The following CCDC107 variants were observed in gnomAD, a reference collection of about 807,000 sequenced individuals.
CCDC107 encodes coiled-coil domain containing 107.
Under a neutral mutation model 17.9 loss-of-function variants are expected in CCDC107, and 17 were observed. That is an observed-to-expected ratio of 0.95 (90% CI 0.65 to 1.42). The LOEUF (loss-of-function observed/expected upper bound fraction) is 1.42, where lower values mean the gene tolerates loss of function less well. CCDC107 is among the 40% of genes most tolerant of loss of function. CCDC107 has a pLI of 0.00. For synonymous variants in CCDC107, 170 were observed against 157.2 expected (o/e 1.08, Z -0.61); for missense variants, 388 against 360.1 (o/e 1.08, Z -0.63).
rs1823713849 is a variant in CCDC107, at chr9:35,658,672, TG to T, written c.208del (p.Ala70ArgfsTer44). On this transcript the variant is annotated frameshift_variant, in exon 2 of 5. Transcript: ENST00000426546. LOFTEE classifies it high-confidence loss of function. ...CGGACCCGGGCCGGGTCGCTGCCTC[TG>T]GGGGCGCTGTACACCGCGGCCGTCG... Reference protein sequence around the residue: ...RERTRAGSLPLGALYTAAVAA... With the variant: ...RERTRAGSLPXGALYTAAVAA... 1 of 1,573,510 alleles carries T rather than the reference TG, an allele frequency of 6.4e-7. No individual in the cohort carries two copies.
In CCDC107 at chr9:35,660,755, T is replaced by G. The variant is rs1823884671; in HGVS notation, c.420T>G (p.Thr140=). ...GTGGACATTTCTTCAGTGTGACTAC[T>G]CTGGCTGGAGCCCAGCAGGAGCTTC... ...QLDPLFERVT[T]LAGAQQELLN... is the part of the protein sequence containing the mutation. The change falls in exon 5 of 5, where the codon ACT becomes ACG. Residue 140 remains threonine, a synonymous_variant. Coordinates refer to ENST00000426546, the MANE Select transcript of CCDC107 (RefSeq NM_174923.3). The G allele has an allele frequency of 1.9e-6, 3 of 1,613,964 alleles. No homozygotes were observed. The highest frequency in any genetic ancestry group is 1.7e-6 in the Non-Finnish European group (2 of 1,179,868).
rs554972846 is a variant in CCDC107, at chr9:35,659,889, G to C, written c.259-512G>C. The C allele has an allele frequency of 2.6e-5, 4 of 153,192 alleles. No homozygotes were observed. In the South Asian group the frequency reaches 8.1e-4, roughly 31 times the overall value. The allele number at this position is 153,192 out of a possible 1,614,324, so 9.5% of individuals were successfully genotyped here. A position where few individuals can be genotyped will look rare whatever the true frequency, so the allele number is the denominator to read the frequency against. ...AGATGGAGTCTCGCTCTGTCACCCA[G>C]GCTGGAGTGCAGCGGCGCAATCTCG... On this transcript the variant is annotated intron_variant, in intron 2 of 4. Coordinates refer to ENST00000426546, the MANE Select transcript of CCDC107 (RefSeq NM_174923.3).
In CCDC107 at chr9:35,658,416, C is replaced by A. The variant is rs1343532730; in HGVS notation, c.37C>A (p.Leu13Met). 8.3e-6 allele frequency: 12 copies of A among 1,447,564 alleles called. No homozygotes were observed. In the East Asian group the frequency reaches 3.2e-4, roughly 39 times the overall value. 89.7% of individuals were successfully genotyped at this position (1,447,564 alleles called of 1,614,324 possible). A position where few individuals can be genotyped will look rare whatever the true frequency, so the allele number is the denominator to read the frequency against. The change falls in exon 1 of 5, where the codon CTG becomes ATG. Residue 13 changes from leucine to methionine, a missense_variant. Transcript: ENST00000426546. ...AGTTTCGCTCTTGGGTGTGGTGGGG[C>A]TGCTGCTTGTGTCTGCGCTGTCCGG... ...GAVSLLGVVGLLLVSALSGVL... is the reference protein window; with the variant it reads ...GAVSLLGVVGMLLVSALSGVL...
In CCDC107 at chr9:35,661,296, G is replaced by A. The variant is rs1823934671; in HGVS notation, c.*109G>A. Reference sequence around the variant, plus strand: ...AGAGCTGTCCTTATTAGGACAAAAAGAGGCTGCCTTCCAGTGTGACAGCAG... The same window carrying A: ...AGAGCTGTCCTTATTAGGACAAAAAAAGGCTGCCTTCCAGTGTGACAGCAG... On this transcript the variant is annotated 3_prime_UTR_variant, in exon 5 of 5. Transcript: ENST00000426546. 5.4e-6 allele frequency: 4 copies of A among 743,732 alleles called. No individual in the cohort carries two copies. In the East Asian group the frequency reaches 8.1e-5, roughly 15 times the overall value. 46.1% of individuals were successfully genotyped at this position (743,732 alleles called of 1,614,324 possible). A position where few individuals can be genotyped will look rare whatever the true frequency, so the allele number is the denominator to read the frequency against.
chr9:35,660,479 C>G lies in CCDC107; in HGVS notation c.319+18C>G, dbSNP rs1339912517. 1 of 1,613,218 alleles carries G rather than the reference C, an allele frequency of 6.2e-7. No homozygotes were observed. Among genetic ancestry groups the G allele is most frequent in the Non-Finnish European group, 8.5e-7 (1 of 1,179,554 alleles). The stretch of plus-strand genomic sequence containing the variant: ...GCAGTCAGGTGGGTTTAGCAGAAGT[C>G]TGTGCTGGGTCGGGGGAGTTTAGGG... On this transcript the variant is annotated intron_variant, in intron 3 of 4. Transcript: ENST00000426546.
intron 2 of CCDC107, chr9:35,660,138 C>A: frequency 2.6e-6 from 1 of 379,020 alleles, no homozygotes; most frequent in Non-Finnish European, 4.8e-6. Context: ...AGCCACAGCA[C>A]TCAGCCACCA....
Position 35,658,743 on chromosome 9 carries a change from G to A in CCDC107, c.258+16G>A, listed in dbSNP as rs769786631. The A allele has an allele frequency of 1.5e-5, 22 of 1,463,204 alleles. No individual in the cohort carries two copies. Among genetic ancestry groups the A allele is most frequent in the East Asian group, 2.7e-5 (1 of 36,742 alleles). 90.6% of individuals were successfully genotyped at this position (1,463,204 alleles called of 1,614,324 possible). On this transcript the variant is annotated intron_variant, in intron 2 of 4. Transcript: ENST00000426546. ...GTGTTTGCAGGTACGGGGCGGCCGG[G>A]GGTAGGGGTGCCCCTGCAGGTGCGG...
rs758264689 is a variant in CCDC107 at position 35,660,601 on chromosome 9, C to T, written c.364C>T (p.Gln122Ter). 1.9e-6 allele frequency: 3 copies of T among 1,614,214 alleles called. No individual in the cohort carries two copies. The highest frequency in any genetic ancestry group is 2.5e-6 in the Non-Finnish European group (3 of 1,180,030). ...GACACAACAGCTGGCCCAGACAGAG[C>T]AGCACCTGAACAACCTGATGGCCCA... ...QLTQQLAQTE[Q>*]HLNNLMAQLD... The change falls in exon 4 of 5, where the codon CAG becomes TAG. Residue 122 changes from glutamine to a stop codon, truncating the protein, a stop_gained. Coordinates refer to ENST00000426546, the MANE Select transcript of CCDC107 (RefSeq NM_174923.3). LOFTEE classifies it low-confidence loss of function (END_TRUNC).
chr9:35,658,309 C>G lies in CCDC107; in HGVS notation c.-71C>G, dbSNP rs1206798842. On this transcript the variant is annotated 5_prime_UTR_variant, in exon 1 of 5. Coordinates refer to ENST00000426546, the MANE Select transcript of CCDC107 (RefSeq NM_174923.3). Reference sequence around the variant, plus strand: ...GCCGGCCTGCTCGCGTGCGCGTGCGCGTTGGGGCGGCCGGCCAATGCCGGA... The same window carrying G: ...GCCGGCCTGCTCGCGTGCGCGTGCGGGTTGGGGCGGCCGGCCAATGCCGGA... 8 of 1,250,386 alleles carry G rather than the reference C, an allele frequency of 6.4e-6. No homozygotes were observed. Among genetic ancestry groups the G allele is most frequent in the Middle Eastern group, 2.9e-4 (1 of 3,408 alleles). The allele number at this position is 1,250,386 out of a possible 1,614,324, so 77.5% of individuals were successfully genotyped here.
Position 35,661,390 on chromosome 9 carries a change from C to A in CCDC107, c.*203C>A. On this transcript the variant is annotated 3_prime_UTR_variant, in exon 5 of 5. Coordinates refer to ENST00000426546, the MANE Select transcript of CCDC107 (RefSeq NM_174923.3). ...GCCACCAGCATGCCCGCGTTCAGGG[C>A]CCAAAAATCCCTTTTCTCATAGCAA... is the stretch of plus-strand genomic sequence containing the variant. The A allele has an allele frequency of 2.2e-6, 1 of 460,868 alleles. No homozygotes were observed. Among genetic ancestry groups the A allele is most frequent in the East Asian group, 3.3e-5 (1 of 30,426 alleles). The allele number at this position is 460,868 out of a possible 1,614,324, so 28.5% of individuals were successfully genotyped here.
Position 35,658,423 on chromosome 9 carries a change from T to C in CCDC107, c.44T>C (p.Leu15Pro). The C allele has an allele frequency of 6.9e-7, 1 of 1,454,752 alleles. No individual in the cohort carries two copies. The highest frequency in any genetic ancestry group is 9.1e-7 in the Non-Finnish European group (1 of 1,102,430). The allele number at this position is 1,454,752 out of a possible 1,614,324, so 90.1% of individuals were successfully genotyped here. A position where few individuals can be genotyped will look rare whatever the true frequency, so the allele number is the denominator to read the frequency against. ...CTCTTGGGTGTGGTGGGGCTGCTGC[T>C]TGTGTCTGCGCTGTCCGGGGTCCTA... ...VSLLGVVGLL[L>P]VSALSGVLGD... is the part of the protein sequence containing the mutation. Residue 15 changes from leucine to proline, a missense_variant, in exon 1 of 5, where the codon CTT (leucine) becomes CCT (proline). Leu to Pro is a moderately conservative substitution (Grantham distance 98). Transcript: ENST00000426546.
chr9:35,660,978 G>A lies in CCDC107; in HGVS notation c.643G>A (p.Glu215Lys). Residue 215 changes from glutamate (E) to lysine (K), a missense_variant, in exon 5 of 5, where the codon GAG becomes AAG. Transcript: ENST00000426546. ...RPLPEDFCLK[E>K]DEEEIGDSQA... ...TCTTCCTGAGGACTTCTGTTTAAAG[G>A]AGGACGAGGAGGAGATTGGTGACAG... 6.2e-7 allele frequency: 1 copy of A among 1,614,148 alleles called. No individual in the cohort carries two copies. Among genetic ancestry groups the A allele is most frequent in the Non-Finnish European group, 8.5e-7 (1 of 1,180,032 alleles).
rs1373702253 is a variant in CCDC107, at chr9:35,658,588, A to C, written c.119A>C (p.His40Pro). 6.3e-7 allele frequency: 1 copy of C among 1,581,678 alleles called. No individual in the cohort carries two copies. The highest frequency in any genetic ancestry group is 1.1e-5 in the South Asian group (1 of 89,846). The change falls in exon 2 of 5, where the codon CAC becomes CCC. Residue 40 changes from histidine to proline, a missense_variant. Transcript: ENST00000426546. ...DLRAHPGNAA[H>P]PGSGATEPRR... ...CCTCCCTCCGCAGGGAACGCAGCCCACCCCGGCTCTGGAGCCACGGAACCC... is the reference window on the plus strand; with the variant it reads ...CCTCCCTCCGCAGGGAACGCAGCCCCCCCCGGCTCTGGAGCCACGGAACCC...
intron 2 of CCDC107, 58 bp downstream of exon 2, chr9:35,658,785 G>A (rs561133761): frequency 2.8e-4 from 319 of 1,119,562 alleles, no homozygotes; most frequent in Middle Eastern, 8.7e-4. Context: ...CGGGCGTGGG[G>A]ATCCCCTGAG....
intron 3 of CCDC107, 37 bp downstream of exon 3, chr9:35,660,498 T>C (rs773737305): frequency 1.9e-6 from 3 of 1,612,512 alleles, no homozygotes; most frequent in Non-Finnish European, 2.5e-6. Context: ...GTCGGGGGAG[T>C]TTAGGGGACA....
chr9:35,658,724 G>A lies in CCDC107; in HGVS notation c.255G>A (p.Leu85=), dbSNP rs200553802. 10 of 1,508,492 alleles carry A rather than the reference G, an allele frequency of 6.6e-6. No individual in the cohort carries two copies. The East Asian group carries it at 2.4e-4, about 36-fold the overall frequency. The allele number at this position is 1,508,492 out of a possible 1,614,324, so 93.4% of individuals were successfully genotyped here. A position where few individuals can be genotyped will look rare whatever the true frequency, so the allele number is the denominator to read the frequency against. The change falls in exon 2 of 5, where the codon TTG becomes TTA. Residue 85 remains leucine (L), a synonymous_variant. Coordinates refer to ENST00000426546, the MANE Select transcript of CCDC107 (RefSeq NM_174923.3). ...CGGCTTTTGTGCTGTACAAGTGTTT[G>A]CAGGTACGGGGCGGCCGGGGGTAGG... ...AVAAFVLYKC[L]QGKDETAVLH...
Position 35,660,892 on chromosome 9 carries a change from G to A in CCDC107, c.557G>A (p.Gly186Glu), listed in dbSNP as rs1281978612. ...EGSGGESAGG[G>E]DKVSETGTFL... ...TCGGGAGGCGAGTCTGCTGGAGGTG[G>A]AGACAAAGTCTCTGAAACTGGAACA... The change falls in exon 5 of 5, where the codon GGA becomes GAA. Residue 186 changes from glycine to glutamate, a missense_variant. Transcript: ENST00000426546. 1.2e-6 allele frequency: 2 copies of A among 1,614,160 alleles called. No homozygotes were observed. Among genetic ancestry groups the A allele is most frequent in the African/African-American group, 1.3e-5 (1 of 75,054 alleles).
At position 35,658,388 on chromosome 9, in the gene CCDC107, C is replaced by T. The variant is rs61740130; in HGVS notation, c.9C>T (p.Gly3=). The change falls in exon 1 of 5, where the codon GGC becomes GGT. Residue 3 remains glycine (G), a synonymous_variant. Coordinates refer to ENST00000426546, the MANE Select transcript of CCDC107 (RefSeq NM_174923.3). The part of the protein sequence containing the change: MA[G]AVSLLGVVGL... Reference sequence around the variant, plus strand: ...CCACCCGTGGGCCGGCAATGGCGGGCGCAGTTTCGCTCTTGGGTGTGGTGG... The same window carrying T: ...CCACCCGTGGGCCGGCAATGGCGGGTGCAGTTTCGCTCTTGGGTGTGGTGG... 24 of 1,398,486 alleles carry T rather than the reference C, an allele frequency of 1.7e-5. No homozygotes were observed. The South Asian group carries it at 3.7e-4, about 22-fold the overall frequency. 86.6% of individuals were successfully genotyped at this position (1,398,486 alleles called of 1,614,324 possible). A position where few individuals can be genotyped will look rare whatever the true frequency, so the allele number is the denominator to read the frequency against.
intron 2 of CCDC107, 26 bp downstream of exon 2, chr9:35,658,753 G>A (rs777394890): frequency 1.3e-5 from 18 of 1,428,000 alleles, no homozygotes; most frequent in South Asian, 1.1e-4. Flanking sequence ...GGGTAGGGGT[G>A]CCCCTGCAGG....
Sources: gnomAD v4.1 joint callset for allele counts on GRCh38, gnomAD v4.1.1 for gene constraint, MANE v1.5 for transcripts, NCBI Gene and HGNC (gene_info 2026-07-23, HGNC 2026-07-21) for gene names.